KDM5B: variants seen among roughly 807,000 people sequenced by gnomAD.
KDM5B encodes the protein lysine-specific demethylase 5B.
A neutral mutation model predicts 193.4 loss-of-function variants in KDM5B; 144 were observed. The ratio of observed to expected loss-of-function variants is 0.74; its 90% CI spans 0.65 to 0.86. The LOEUF is 0.86. Among genes scored for constraint, KDM5B ranks in the 40% least tolerant of loss-of-function variants. KDM5B has a pLI of 0.00. For missense variants in KDM5B, 1,833 were observed against 1,886.9 expected, an observed-to-expected ratio of 0.97 and a Z score of 0.53; for synonymous variants, 668 against 682.6, an observed-to-expected ratio of 0.98 and a Z score of 0.33.
intron 1 of KDM5B, chr1:202,806,418 T>A (rs1261903944): frequency 6.6e-6 from 1 of 152,224 alleles, no homozygotes; most frequent in African/African-American, 2.4e-5. Flanking sequence ...TATTCAAGAA[T>A]TAAAACCTTG....
chr1:202,738,827 G>T (rs1655193642), intron 20 of KDM5B, among the ~76,000 whole-genome samples: 1 of 152,076 alleles, frequency 6.6e-6, no homozygotes, highest in South Asian at 2.1e-4. Flanking sequence ...TCATATTAAA[G>T]AATGAATTCT....
chr1:202,804,977 G>A (rs2102354722), intron 1 of KDM5B, among the ~76,000 whole-genome samples: 1 of 152,146 alleles, frequency 6.6e-6, no homozygotes, highest in East Asian at 1.9e-4. Context: ...TCAAAATTTG[G>A]GAGACAAAAA....
chr1:202,777,535 C>T (rs1657010457), intron 1 of KDM5B, among the ~76,000 whole-genome samples: 1 of 151,640 alleles, frequency 6.6e-6, no homozygotes, highest in African/African-American at 2.4e-5. Flanking sequence ...ACTCTGTTGC[C>T]CAGGCTTAAG....
chr1:202,794,236 G>A (rs1657749519), intron 1 of KDM5B, among the ~76,000 whole-genome samples: 1 of 152,216 alleles, frequency 6.6e-6, no homozygotes, highest in Non-Finnish European at 1.5e-5. Context: ...CAAATGATGA[G>A]TTGGTATAAC....
chr1:202,774,859 T>C, intron 2 of KDM5B, 124 bp from the exon 3 acceptor site: 1 of 822,174 alleles, frequency 1.2e-6, no homozygotes, highest in Non-Finnish European at 1.9e-6. Context: ...TTTTTTAATT[T>C]AATGCTCTTT....
chr1:202,725,898 G>A lies in KDM5B; in HGVS notation c.*3138C>T, dbSNP rs923215092. 1 of 152,124 alleles carries A rather than the reference G, an allele frequency of 6.6e-6. No homozygotes were observed. The highest frequency in any genetic ancestry group is 2.4e-5 in the African/African-American group (1 of 41,398). 9.4% of individuals were successfully genotyped at this position (152,124 alleles called of 1,614,324 possible). Reference sequence around the variant, plus strand: ...GACTGAGCCCAGAAAAACACCCATGGGTACTAAATACCAATCAATACCTGC... The same window carrying A: ...GACTGAGCCCAGAAAAACACCCATGAGTACTAAATACCAATCAATACCTGC... On this transcript the variant is annotated 3_prime_UTR_variant, in exon 27 of 27. Transcript: ENST00000367265.
At chr1:202,786,934 C>A (rs1334384552) in intron 1 of KDM5B, among the ~76,000 whole-genome samples, 1 of 152,088 alleles carries the variant, frequency 6.6e-6, no homozygotes, top group Non-Finnish European at 1.5e-5. Context: ...CATGGAGAAA[C>A]CCCGTCTCTA....
chr1:202,782,360 T>C (rs2102313959), intron 1 of KDM5B, among the ~76,000 whole-genome samples: 1 of 152,166 alleles, frequency 6.6e-6, no homozygotes, highest in East Asian at 1.9e-4. Flanking sequence ...GGACACGAAT[T>C]TTTTTTTCTT....
intron 16 of KDM5B, among the ~76,000 whole-genome samples, chr1:202,743,336 CAAAAAAAAAAAAAA>C (rs56202317): frequency 1.3e-5 from 1 of 79,444 alleles, no homozygotes; most frequent in Non-Finnish European, 2.4e-5. Context: ...GACCTTGTCT[CAAAAAAAAAAAAAA>C]AAAAAAAAAA....
chr1:202,779,659 C>G (rs944882874), intron 1 of KDM5B, among the ~76,000 whole-genome samples: 2 of 151,552 alleles, frequency 1.3e-5, no homozygotes, highest in Non-Finnish European at 2.9e-5. Context: ...AAAAATTAGC[C>G]GGGTGTGGTG....
chr1:202,750,089 C>G (rs1269744690), intron 13 of KDM5B, among the ~76,000 whole-genome samples: 1 of 152,110 alleles, frequency 6.6e-6, no homozygotes, highest in Admixed American at 6.5e-5. Flanking sequence ...GAATGTAAAT[C>G]AATAGACTCC....
chr1:202,791,076 T>C (rs1657624310), intron 1 of KDM5B, among the ~76,000 whole-genome samples: 1 of 152,200 alleles, frequency 6.6e-6, no homozygotes, highest in African/African-American at 2.4e-5. Context: ...GATAAAAGTA[T>C]GTCAAAAGAT....
chr1:202,743,336 C>CAAAAAA (rs56202317), intron 16 of KDM5B, among the ~76,000 whole-genome samples: 8 of 79,430 alleles, frequency 1.0e-4, no homozygotes, highest in African/African-American at 4.4e-4. Flanking sequence ...GACCTTGTCT[C>CAAAAAA]AAAAAAAAAA....
chr1:202,766,878 T>C (rs917515789), intron 5 of KDM5B, 48 bp downstream of exon 5: 1 of 1,535,510 alleles, frequency 6.5e-7, no homozygotes, highest in Non-Finnish European at 8.7e-7. Context: ...CAGCCATTGG[T>C]ATTAGGGCTT....
intron 20 of KDM5B, 114 bp from the exon 21 acceptor site, chr1:202,736,506 A>C: frequency 6.6e-5 from 44 of 662,864 alleles, no homozygotes; most frequent in Non-Finnish European, 8.8e-5. Flanking sequence ...CCATGATCTC[A>C]ACATGCTAAA....
rs151277343 is a variant in KDM5B at position 202,758,895 on chromosome 1, T to C, written c.1078-385A>G. 32 of 157,066 alleles carry C rather than the reference T, an allele frequency of 2.0e-4. No individual in the cohort carries two copies. In the East Asian group the frequency reaches 4.6e-3, roughly 23 times the overall value. 9.7% of individuals were successfully genotyped at this position (157,066 alleles called of 1,614,324 possible). ...AACATACAATAGATCAAAATAGAGA[T>C]AAACCACTTGATGGAAACAGAATGG... On this transcript the variant is annotated intron_variant, in intron 8 of 26. Coordinates refer to ENST00000367265, the MANE Select transcript of KDM5B (RefSeq NM_006618.5).
intron 1 of KDM5B, among the ~76,000 whole-genome samples, chr1:202,789,253 C>G (rs2102326675): frequency 6.6e-6 from 1 of 152,230 alleles, no homozygotes; most frequent in Non-Finnish European, 1.5e-5. Flanking sequence ...CACAGTGGCT[C>G]ATCATGTCTG....
intron 1 of KDM5B, among the ~76,000 whole-genome samples, chr1:202,786,184 CG>C (rs1158947599): frequency 1.3e-4 from 2 of 15,370 alleles, no homozygotes; most frequent in Non-Finnish European, 3.6e-4. Context: ...TTTTAAGAGA[CG>C]GGGGGTGGGG....
At position 202,729,573 on chromosome 1, in the gene KDM5B, G is replaced by A. The variant is rs1044447560; in HGVS notation, c.4497+134C>T. The A allele has an allele frequency of 7.0e-6, 5 of 715,622 alleles. No homozygotes were observed. In the African/African-American group the frequency reaches 8.9e-5, roughly 13 times the overall value. The allele number at this position is 715,622 out of a possible 1,614,324, so 44.3% of individuals were successfully genotyped here. ...GGTAAGAGCACAGATATCAGTGGGG[G>A]AAGGGCTGAGCAATCCATTCAGATC... On this transcript the variant is annotated intron_variant, in intron 26 of 26. Transcript: ENST00000367265.
Sources: gnomAD v4.1 joint callset for allele counts (sites outside exome capture counted in the v4.1 genomes callset) on GRCh38, gnomAD v4.1.1 for gene constraint, MANE v1.5 for transcripts, NCBI Gene and HGNC (gene_info 2026-07-23, HGNC 2026-07-21) for gene names.